PTPRN2: variants seen among roughly 807,000 people sequenced by gnomAD.
The protein encoded by PTPRN2 is receptor-type tyrosine-protein phosphatase N2.
A neutral mutation model predicts 118.8 loss-of-function variants in PTPRN2; 74 were observed. That is an observed-to-expected ratio of 0.62 (90% confidence interval 0.52 to 0.76). The LOEUF (loss-of-function observed/expected upper bound fraction) is 0.76. Among genes scored for constraint, PTPRN2 ranks in the 30% least tolerant of loss-of-function variants. The pLI is 0.00. For synonymous variants in PTPRN2, 641 were observed against 608.0 expected (o/e 1.05, Z -0.80); for missense variants, 1,481 against 1,394.4 (o/e 1.06, Z -0.99).
chr7:158,042,712 C>A (rs1409386825), intron 11 of PTPRN2, among the ~76,000 whole-genome samples: 1 of 152,154 alleles, frequency 6.6e-6, no homozygotes, highest in Admixed American at 6.5e-5. Context: ...CTGATAGACA[C>A]CATAGTGAAG....
chr7:157,573,317 G>C (rs1799853073), intron 19 of PTPRN2, among the ~76,000 whole-genome samples: 1 of 152,250 alleles, frequency 6.6e-6, no homozygotes, highest in Non-Finnish European at 1.5e-5. Flanking sequence ...GCTTTGAAAG[G>C]CCTTTTGCCT....
At chr7:157,725,310 TGTG>T (rs1239661340) in intron 12 of PTPRN2, among the ~76,000 whole-genome samples, 10 of 91,690 alleles carry the variant, frequency 1.1e-4, no homozygotes, top group African/African-American at 3.3e-4. Flanking sequence ...CCCAGAGGAG[TGTG>T]GCCAGACCCT....
intron 12 of PTPRN2, among the ~76,000 whole-genome samples, chr7:157,694,042 C>T (rs1040088227): frequency 2.0e-5 from 3 of 152,264 alleles, no homozygotes; most frequent in African/African-American, 7.2e-5. Context: ...CTAGTACAGG[C>T]CAGAGAGCTG....
intron 9 of PTPRN2, among the ~76,000 whole-genome samples, chr7:158,119,857 G>A (rs78169401): frequency 0.014 from 2,106 of 152,114 alleles, 54 homozygotes; most frequent in East Asian, 0.1. Flanking sequence ...AGACTACTTT[G>A]CCCAAAAGAA....
At chr7:158,286,172 A>G (rs1366154709) in intron 3 of PTPRN2, among the ~76,000 whole-genome samples, 2 of 152,372 alleles carry the variant, frequency 1.3e-5, no homozygotes, top group Admixed American at 6.5e-5. Context: ...TTCTCAGTGT[A>G]TAAAAATGCT....
At chr7:158,139,046 C>G (rs1819120023) in intron 6 of PTPRN2, among the ~76,000 whole-genome samples, 2 of 152,132 alleles carry the variant, frequency 1.3e-5, no homozygotes, top group Admixed American at 1.3e-4. Context: ...CACACAGGGT[C>G]AAAGCCTCGT....
At chr7:158,463,602 ATTG>A (rs1385484201) in intron 2 of PTPRN2, among the ~76,000 whole-genome samples, 3 of 150,180 alleles carry the variant, frequency 2.0e-5, no homozygotes, top group South Asian at 2.2e-4. Flanking sequence ...CACCATCATC[ATTG>A]TTATCACCAT....
intron 3 of PTPRN2, among the ~76,000 whole-genome samples, chr7:158,213,271 A>T (rs1486936775): frequency 6.6e-6 from 1 of 151,550 alleles, no homozygotes; most frequent in Non-Finnish European, 1.5e-5. Flanking sequence ...AGTCCAGAAC[A>T]TGATGAGAAC....
At position 157,604,089 on chromosome 7, in the gene PTPRN2, G is replaced by A. The variant is rs1452005673; in HGVS notation, c.2345-14C>T. ...GGGAGTGGTCATCTGCAAGGACACA[G>A]TGCAGGGGTCAGAGGAACATTGGCC... is the stretch of plus-strand genomic sequence containing the variant. On this transcript the variant is annotated splice_polypyrimidine_tract_variant and intron_variant, in intron 15 of 22. Transcript: ENST00000389418. 1 of 1,613,032 alleles carries A rather than the reference G, an allele frequency of 6.2e-7. No homozygotes were observed. Among genetic ancestry groups the A allele is most frequent in the Non-Finnish European group, 8.5e-7 (1 of 1,179,512 alleles).
At chr7:158,378,378 C>T (rs1235440038) in intron 2 of PTPRN2, among the ~76,000 whole-genome samples, 2 of 152,284 alleles carry the variant, frequency 1.3e-5, no homozygotes, top group South Asian at 4.1e-4. Flanking sequence ...GGGCCCTGGA[C>T]CCACTAGGGA....
intron 3 of PTPRN2, among the ~76,000 whole-genome samples, chr7:158,262,901 C>T (rs1325789463): frequency 1.3e-5 from 2 of 148,390 alleles, no homozygotes; most frequent in African/African-American, 4.9e-5. Context: ...ACACACACTG[C>T]AAACATTCAC....
intron 3 of PTPRN2, among the ~76,000 whole-genome samples, chr7:158,260,689 C>G (rs1797339451): frequency 6.6e-6 from 1 of 152,228 alleles, no homozygotes; most frequent in Non-Finnish European, 1.5e-5. Context: ...GCTGTTGCCA[C>G]TAGCGCTCCG....
At chr7:158,302,521 T>C (rs939126893) in intron 3 of PTPRN2, among the ~76,000 whole-genome samples, 1 of 152,238 alleles carries the variant, frequency 6.6e-6, no homozygotes, top group Non-Finnish European at 1.5e-5. Context: ...TTACCCCAGA[T>C]CACCCCCAGT....
At chr7:157,919,613 G>GA (rs1403763525) in intron 11 of PTPRN2, among the ~76,000 whole-genome samples, 57 of 152,022 alleles carry the variant, frequency 3.7e-4, no homozygotes, top group African/African-American at 9.4e-4. Context: ...GATTTTAGGG[G>GA]AAAAAATCAT....
At chr7:158,477,697 C>T (rs534652863) in intron 2 of PTPRN2, among the ~76,000 whole-genome samples, 19 of 152,184 alleles carry the variant, frequency 1.2e-4, no homozygotes, top group Middle Eastern at 3.4e-3. Context: ...TCTTTGACAC[C>T]CCAATAGTGT....
At chr7:158,296,057 G>T (rs1381493137) in intron 3 of PTPRN2, among the ~76,000 whole-genome samples, 1 of 152,192 alleles carries the variant, frequency 6.6e-6, no homozygotes, top group Non-Finnish European at 1.5e-5. Flanking sequence ...CTCTGGCAAG[G>T]GCTCTACCCC....
chr7:157,811,696 C>T (rs1028474270), intron 12 of PTPRN2, among the ~76,000 whole-genome samples: 59 of 152,082 alleles, frequency 3.9e-4, no homozygotes, highest in African/African-American at 1.4e-3. Flanking sequence ...ACTGATGCTC[C>T]CCACAGGCCG....
chr7:158,378,114 A>T (rs1389701020), intron 2 of PTPRN2, among the ~76,000 whole-genome samples: 4 of 152,194 alleles, frequency 2.6e-5, no homozygotes, highest in Non-Finnish European at 5.9e-5. Context: ...CCAGCTGTGC[A>T]CTTAGAAACC....
chr7:158,458,162 C>A (rs888732479), intron 2 of PTPRN2, among the ~76,000 whole-genome samples: 1 of 152,332 alleles, frequency 6.6e-6, no homozygotes, highest in East Asian at 1.9e-4. Context: ...ATCCCCCATC[C>A]TCCGAGCTTG....
Sources: allele counts gnomAD v4.1 joint callset (sites outside exome capture counted in the v4.1 genomes callset), GRCh38; gene constraint gnomAD v4.1.1; transcripts MANE v1.5; gene names NCBI Gene and HGNC (gene_info 2026-07-23, HGNC 2026-07-21).